The following MED12L variants were observed in gnomAD, a reference collection of about 807,000 sequenced individuals.
The protein encoded by MED12L is mediator of RNA polymerase II transcription subunit 12-like protein.
A neutral mutation model predicts 281.3 loss-of-function variants in MED12L; 60 were observed. That is an observed-to-expected ratio of 0.21 (90% CI 0.17 to 0.26). The LOEUF (loss-of-function observed/expected upper bound fraction) is 0.26. Ranked by LOEUF, MED12L falls within the 10% of genes least tolerant of loss-of-function variation. The probability of loss-of-function intolerance (pLI) is 1.00; values close to 1 mark genes in which losing one functional copy is unlikely to be tolerated. For synonymous variants in MED12L, 974 were observed against 987.2 expected, an observed-to-expected ratio of 0.99 and a Z score of 0.25; for missense variants, 2,146 against 2,680.9, an observed-to-expected ratio of 0.80 and a Z score of 4.41.
chr3:151,372,383 G>A (rs147938853), intron 26 of MED12L, among the ~76,000 whole-genome samples, 184 bp from the exon 27 acceptor site: 15 of 152,226 alleles, frequency 9.9e-5, no homozygotes, highest in Non-Finnish European at 1.2e-4. Context: ...ATTTCTGTTA[G>A]AAACTTCTCT....
chr3:151,269,874 C>G, intron 16 of MED12L: 1 of 459,910 alleles, frequency 2.2e-6, no homozygotes, highest in Non-Finnish European at 4.3e-6. Flanking sequence ...CACGAAGAAC[C>G]AGAGAGCTTC....
At chr3:151,111,636 C>G (rs1475552110) in intron 2 of MED12L, among the ~76,000 whole-genome samples, 2 of 152,184 alleles carry the variant, frequency 1.3e-5, no homozygotes, top group African/African-American at 4.8e-5. Flanking sequence ...AGAGGATGGC[C>G]TAGTGAGTTG....
intron 16 of MED12L, chr3:151,293,953 C>T: frequency 1.9e-6 from 1 of 530,944 alleles, no homozygotes; most frequent in Non-Finnish European, 3.3e-6. Flanking sequence ...CTCTGCTCCT[C>T]AGACTTCCAG....
intron 2 of MED12L, among the ~76,000 whole-genome samples, chr3:151,097,676 T>C (rs2148646030): frequency 6.6e-6 from 1 of 152,308 alleles, no homozygotes; most frequent in East Asian, 1.9e-4. Context: ...TGGCAGTGTC[T>C]GGAGACATTT....
At chr3:151,288,307 T>G (rs1173335644) in intron 16 of MED12L, among the ~76,000 whole-genome samples, 1 of 152,372 alleles carries the variant, frequency 6.6e-6, no homozygotes, top group East Asian at 1.9e-4. Flanking sequence ...AACTTGTTCA[T>G]TAATATCTGA....
chr3:151,303,219 A>G (rs1746175583), intron 16 of MED12L, among the ~76,000 whole-genome samples: 1 of 152,192 alleles, frequency 6.6e-6, no homozygotes, highest in Non-Finnish European at 1.5e-5. Flanking sequence ...ATTTGACTAT[A>G]GATTTTAGTC....
intron 2 of MED12L, among the ~76,000 whole-genome samples, chr3:151,107,751 C>T (rs1722256116): frequency 6.9e-6 from 1 of 144,736 alleles, no homozygotes; most frequent in Non-Finnish European, 1.5e-5. Flanking sequence ...GTGCTAAACT[C>T]TGCACATTTA....
intron 16 of MED12L, among the ~76,000 whole-genome samples, chr3:151,194,413 A>G (rs552333141): frequency 2.0e-5 from 3 of 152,340 alleles, no homozygotes; most frequent in Non-Finnish European, 4.4e-5. Context: ...TAGGAAAGAC[A>G]GGAGACAAAC....
intron 16 of MED12L, among the ~76,000 whole-genome samples, chr3:151,246,853 C>A (rs4269062): frequency 0.5 from 75,518 of 151,894 alleles, 18,964 homozygotes; most frequent in Middle Eastern, 0.62. Flanking sequence ...ATGGGAGAAA[C>A]TTTTCGCAAC....
At chr3:151,432,714 G>C in intron 44 of MED12L, 38 bp from the exon 45 acceptor site, 1 of 1,539,390 alleles carries the variant, frequency 6.5e-7, no homozygotes, top group Non-Finnish European at 9.0e-7. Flanking sequence ...CAATAGTTTT[G>C]TGTCTGTAAT....
At chr3:151,410,283 C>T (rs547438844) in intron 40 of MED12L, among the ~76,000 whole-genome samples, 3 of 152,352 alleles carry the variant, frequency 2.0e-5, no homozygotes, top group African/African-American at 7.2e-5. Context: ...CTCACCCCAT[C>T]CCTCTGGGAA....
At chr3:151,164,750 C>T (rs955445075) in intron 9 of MED12L, among the ~76,000 whole-genome samples, 3 of 142,746 alleles carry the variant, frequency 2.1e-5, no homozygotes, top group African/African-American at 7.8e-5. Flanking sequence ...ATTGCAAGGA[C>T]AAAAAAAAAC....
At chr3:151,285,909 A>T (rs1447800517) in intron 16 of MED12L, among the ~76,000 whole-genome samples, 1 of 152,170 alleles carries the variant, frequency 6.6e-6, no homozygotes, top group Non-Finnish European at 1.5e-5. Context: ...TGGCTCCTTG[A>T]TCTTGAACTT....
chr3:151,138,307 TA>T (rs943052941), intron 5 of MED12L, among the ~76,000 whole-genome samples: 4 of 152,138 alleles, frequency 2.6e-5, no homozygotes, highest in Non-Finnish European at 5.9e-5. Context: ...TCAAAAATGT[TA>T]AAAAAACTTT....
intron 5 of MED12L, among the ~76,000 whole-genome samples, chr3:151,143,224 C>T (rs1717297516): frequency 6.6e-6 from 1 of 152,150 alleles, no homozygotes; most frequent in African/African-American, 2.4e-5. Flanking sequence ...ACACGGTCAT[C>T]TGGCAATATG....
chr3:151,245,539 T>A (rs1418302403), intron 16 of MED12L, among the ~76,000 whole-genome samples: 2 of 149,248 alleles, frequency 1.3e-5, no homozygotes, highest in African/African-American at 4.9e-5. Context: ...TCTCAATAGA[T>A]GCAGAAAAGG....
At chr3:151,329,509 C>A in intron 16 of MED12L, 1 of 1,548,186 alleles carries the variant, frequency 6.5e-7, no homozygotes, top group Non-Finnish European at 8.7e-7. Flanking sequence ...TTCTCTCTGT[C>A]TTCTTATGGC....
rs1711771241 is a variant in MED12L at position 151,379,214 on chromosome 3, A to ATAGGTGAGTG, written c.4479-896_4479-887dup. 3.3e-5 allele frequency among the ~76,000 whole-genome samples: 5 copies of ATAGGTGAGTG among 152,340 alleles called. No individual in the cohort carries two copies. In the South Asian group the frequency reaches 1.0e-3, roughly 32 times the overall value. ...TCTAATTTTCAAATCATATTTGCTG[A>ATAGGTGAGTG]TAGGTGAGTGTATGTGCATTGCCTA... On this transcript the variant is annotated intron_variant, in intron 31 of 44. Transcript: ENST00000687756.
chr3:151,390,055 A>G lies in MED12L; in HGVS notation c.5528A>G (p.Gln1843Arg). 6.2e-7 allele frequency: 1 copy of G among 1,614,172 alleles called. No homozygotes were observed. The highest frequency in any genetic ancestry group is 2.2e-5 in the East Asian group (1 of 44,880). Residue 1843 changes from glutamine (Q) to arginine (R), a missense_variant, in exon 38 of 45, where the codon CAG becomes CGG. Physicochemically the swap from Gln to Arg is conservative, Grantham distance 43. Coordinates refer to ENST00000687756, the MANE Select transcript of MED12L (RefSeq NM_001393769.1). ...TCCTCCCAAATGATGCACCATCCAC[A>G]GTCCACCTTGTGGGGTTACAACCTC... is the stretch of plus-strand genomic sequence containing the variant. ...PISSQMMHHP[Q>R]STLWGYNLVG...
Sources: gnomAD v4.1 joint callset for allele counts (sites outside exome capture counted in the v4.1 genomes callset) on GRCh38, gnomAD v4.1.1 for gene constraint, MANE v1.5 for transcripts, NCBI Gene and HGNC (gene_info 2026-07-23, HGNC 2026-07-21) for gene names.